The following MAPT variants were observed in gnomAD, a reference collection of about 807,000 sequenced individuals.
MAPT encodes microtubule associated protein tau.
In MAPT, 34 loss-of-function variants were observed where a neutral mutation model predicts 67.9. The ratio of observed to expected loss-of-function variants is 0.50; its 90% CI spans 0.38 to 0.67. The LOEUF is 0.67. Ranked by LOEUF, MAPT falls within the 30% of genes least tolerant of loss-of-function variation. The pLI, the probability that MAPT is intolerant of heterozygous loss-of-function variation, is 0.00. For missense variants in MAPT, 881 were observed against 1,115.2 expected (o/e 0.79, Z 2.99); for synonymous variants, 456 against 464.5 (o/e 0.98, Z 0.23).
At chr17:45,912,234 T>G (rs1457709286) in intron 1 of MAPT, among the ~76,000 whole-genome samples, 2 of 152,174 alleles carry the variant, frequency 1.3e-5, no homozygotes, top group African/African-American at 4.8e-5. Flanking sequence ...AACAAATAAT[T>G]GGCATAGGCT....
At chr17:45,928,448 C>T (rs1325478805) in intron 1 of MAPT, among the ~76,000 whole-genome samples, 1 of 152,120 alleles carries the variant, frequency 6.6e-6, no homozygotes, top group East Asian at 1.9e-4. Flanking sequence ...TGGTACTTGT[C>T]TCACTTCATT....
intron 1 of MAPT, among the ~76,000 whole-genome samples, chr17:45,907,190 T>C (rs2144039016): frequency 6.6e-6 from 1 of 152,270 alleles, no homozygotes; most frequent in South Asian, 2.1e-4. Flanking sequence ...GCCTGCCCTG[T>C]GGCTCCTTCA....
chr17:45,937,375 G>A (rs1157329207), intron 1 of MAPT, among the ~76,000 whole-genome samples: 1 of 152,064 alleles, frequency 6.6e-6, no homozygotes, highest in African/African-American at 2.4e-5. Context: ...ATCATTTGAG[G>A]TCAGGAGTTT....
intron 3 of MAPT, chr17:45,974,578 C>T (rs2072118083): frequency 2.3e-6 from 2 of 877,080 alleles, no homozygotes; most frequent in Admixed American, 4.1e-5. Context: ...TCCTGTGGGG[C>T]AGGAACATGG....
chr17:46,007,687 T>C (rs2075545857), intron 9 of MAPT, among the ~76,000 whole-genome samples: 2 of 152,286 alleles, frequency 1.3e-5, no homozygotes, highest in South Asian at 2.1e-4. Flanking sequence ...AAACACCCAG[T>C]GCTGGCAGCA....
At chr17:45,979,207 A>G (rs549787527) in intron 4 of MAPT, 2 of 152,344 alleles carry the variant, frequency 1.3e-5, no homozygotes, top group African/African-American at 2.4e-5. Flanking sequence ...TTGTGTAATC[A>G]TTTATCATAA....
chr17:45,909,892 A>AAAAAAAAC (rs1694364746), intron 1 of MAPT, among the ~76,000 whole-genome samples: 1 of 145,512 alleles, frequency 6.9e-6, no homozygotes, highest in Non-Finnish European at 1.5e-5. Context: ...AAAAAAAAAA[A>AAAAAAAAC]AGCCATGCCT....
At chr17:45,986,525 G>GCCA (rs2073556823) in intron 5 of MAPT, among the ~76,000 whole-genome samples, 1 of 152,194 alleles carries the variant, frequency 6.6e-6, no homozygotes, top group African/African-American at 2.4e-5. Flanking sequence ...GGGAATCAGG[G>GCCA]CCAAGCCTGG....
At chr17:45,938,728 G>A (rs1166696307) in intron 1 of MAPT, among the ~76,000 whole-genome samples, 2 of 151,662 alleles carry the variant, frequency 1.3e-5, no homozygotes, top group Non-Finnish European at 2.9e-5. Context: ...CTGCAGCCTC[G>A]ACGTCTCTGG....
chr17:45,990,778 GTCAGT>G (rs1392908653), intron 7 of MAPT, among the ~76,000 whole-genome samples: 4 of 152,116 alleles, frequency 2.6e-5, no homozygotes, highest in Admixed American at 6.6e-5. Flanking sequence ...CTTGGTTAAT[GTCAGT>G]TTCTTTTTTG....
intron 4 of MAPT, among the ~76,000 whole-genome samples, chr17:45,981,271 T>G (rs935700597): frequency 2.6e-5 from 4 of 152,210 alleles, no homozygotes; most frequent in Non-Finnish European, 5.9e-5. Context: ...CATAGGTTGT[T>G]GCATTGGGAC....
At chr17:45,959,130 G>GT (rs1389089449) in intron 1 of MAPT, among the ~76,000 whole-genome samples, 1 of 152,108 alleles carries the variant, frequency 6.6e-6, no homozygotes, top group African/African-American at 2.4e-5. Flanking sequence ...TTAATAGACT[G>GT]TTTTTTAGAG....
chr17:46,001,695 T>G (rs2075016556), intron 9 of MAPT, among the ~76,000 whole-genome samples: 1 of 152,210 alleles, frequency 6.6e-6, no homozygotes, highest in South Asian at 2.1e-4. Flanking sequence ...CCTTCCTTAT[T>G]TCATTCCTTT....
At chr17:45,918,236 G>A (rs139425754) in intron 1 of MAPT, among the ~76,000 whole-genome samples, 6 of 152,324 alleles carry the variant, frequency 3.9e-5, no homozygotes, top group African/African-American at 7.2e-5. Context: ...GGCCACTGAA[G>A]CGTTTCCCCC....
intron 7 of MAPT, 110 bp from the exon 8 acceptor site, chr17:45,991,350 A>G (rs1371836990): frequency 2.1e-6 from 3 of 1,427,824 alleles, no homozygotes; most frequent in Non-Finnish European, 2.9e-6. Context: ...GGGTCACCCC[A>G]GTCTTAGCCA....
chr17:45,983,757 C>G lies in MAPT; in HGVS notation c.1178C>G (p.Ser393Trp), dbSNP rs73314997. Residue 393 changes from serine to tryptophan, a missense_variant, in exon 5 of 13, where the codon TCG (serine) becomes TGG (tryptophan). Physicochemically the swap from Ser to Trp is radical, Grantham distance 177 (BLOSUM62 -3). Coordinates refer to ENST00000262410, the MANE Select transcript of MAPT (RefSeq NM_001377265.1). ...AACGTGCAGAAGGAGCAGGCGCACT[C>G]GGAGGAGCATTTGGGAAGGGCTGCA... Reference protein sequence around the residue: ...TPNVQKEQAHSEEHLGRAAFP... With the variant: ...TPNVQKEQAHWEEHLGRAAFP... The G allele has an allele frequency of 6.2e-7, 1 of 1,614,056 alleles. No individual in the cohort carries two copies. The highest frequency in any genetic ancestry group is 8.5e-7 in the Non-Finnish European group (1 of 1,180,002).
intron 1 of MAPT, among the ~76,000 whole-genome samples, chr17:45,961,391 A>C (rs1433379872): frequency 6.6e-6 from 1 of 152,112 alleles, no homozygotes; most frequent in East Asian, 1.9e-4. Context: ...GGTGCTTCTC[A>C]GCCCACCAGG....
At chr17:45,982,105 C>T (rs1004935416) in intron 4 of MAPT, among the ~76,000 whole-genome samples, 5 of 150,986 alleles carry the variant, frequency 3.3e-5, no homozygotes, top group Non-Finnish European at 7.4e-5. Flanking sequence ...GGGCAGATCA[C>T]GAGGTCAGGA....
intron 6 of MAPT, among the ~76,000 whole-genome samples, chr17:45,988,048 C>T (rs1307627186): frequency 2.0e-5 from 3 of 152,208 alleles, no homozygotes; most frequent in Admixed American, 6.5e-5. Flanking sequence ...CCCTGGGCCT[C>T]GGCCAGCTGG....
Sources: gnomAD v4.1 joint callset for allele counts (sites outside exome capture counted in the v4.1 genomes callset) on GRCh38, gnomAD v4.1.1 for gene constraint, MANE v1.5 for transcripts, NCBI Gene and HGNC (gene_info 2026-07-23, HGNC 2026-07-21) for gene names.